Variants in CDH13 observed in about 807,000 individuals in gnomAD.
CDH13 encodes the protein cadherin 13, also known as cadherin-13.
CDH13 carries 24 observed loss-of-function variants against 63.8 expected under a neutral mutation model. That is an observed-to-expected ratio of 0.38 (90% confidence interval 0.27 to 0.53). The LOEUF is 0.53. Ranked by LOEUF, CDH13 falls within the 20% of genes least tolerant of loss-of-function variation. The pLI, the probability that CDH13 is intolerant of heterozygous loss-of-function variation, is 0.85. For missense variants in CDH13, 1,049 were observed against 903.1 expected (o/e 1.16, Z -2.07); for synonymous variants, 503 against 355.3 (o/e 1.42, Z -4.67).
chr16:82,870,872 A>T (rs1472819044), intron 2 of CDH13, among the ~76,000 whole-genome samples: 1 of 152,228 alleles, frequency 6.6e-6, no homozygotes, highest in East Asian at 1.9e-4. Flanking sequence ...AGCTGTCAGA[A>T]ACAGCATAGG....
At position 83,063,162 on chromosome 16, in the gene CDH13, A is replaced by G. The variant is rs549829431; in HGVS notation, c.366+30944A>G. Among the ~76,000 whole-genome samples the G allele has an allele frequency of 3.3e-5, 5 of 152,130 alleles. No homozygotes were observed. In the East Asian group the frequency reaches 9.7e-4, roughly 30 times the overall value. ...TTTTTAGTAGAGACAGGGTTTCACC[A>G]TGTTGGCCAGGCTGGCCTTGAACTC... On this transcript the variant is annotated intron_variant, in intron 3 of 13. Coordinates refer to ENST00000567109, the MANE Select transcript of CDH13 (RefSeq NM_001257.5).
intron 6 of CDH13, among the ~76,000 whole-genome samples, chr16:83,419,781 C>G (rs986773005): frequency 6.6e-6 from 1 of 152,156 alleles, no homozygotes; most frequent in Admixed American, 6.5e-5. Context: ...ATGCATTTTT[C>G]TCTGCTCATG....
intron 1 of CDH13, among the ~76,000 whole-genome samples, chr16:82,759,303 C>G (rs1184785210): frequency 6.6e-6 from 1 of 152,186 alleles, no homozygotes; most frequent in Non-Finnish European, 1.5e-5. Context: ...AATATATTCT[C>G]TGCTCCAAAA....
At chr16:83,662,254 T>A (rs1251108842) in intron 8 of CDH13, among the ~76,000 whole-genome samples, 1 of 152,208 alleles carries the variant, frequency 6.6e-6, no homozygotes, top group Non-Finnish European at 1.5e-5. Flanking sequence ...TTCAGACATT[T>A]AACTGGGAAG....
chr16:83,048,814 C>G (rs573411846), intron 3 of CDH13, among the ~76,000 whole-genome samples: 7 of 152,268 alleles, frequency 4.6e-5, no homozygotes, highest in African/African-American at 1.7e-4. Context: ...CCCCCAGCCT[C>G]CAAACGTGGT....
chr16:83,054,013 T>C (rs1185544506), intron 3 of CDH13, among the ~76,000 whole-genome samples: 2 of 152,212 alleles, frequency 1.3e-5, no homozygotes, highest in Admixed American at 1.3e-4. Context: ...TAGATATGTT[T>C]AAATACACAA....
intron 3 of CDH13, among the ~76,000 whole-genome samples, chr16:83,075,871 A>C (rs1856167724): frequency 6.6e-6 from 1 of 152,208 alleles, no homozygotes; most frequent in South Asian, 2.1e-4. Flanking sequence ...TTGATACTGC[A>C]CATATTCATG....
chr16:83,779,863 A>G, intron 11 of CDH13, 105 bp from the exon 12 acceptor site: 1 of 776,360 alleles, frequency 1.3e-6, no homozygotes, highest in Non-Finnish European at 2.1e-6. Flanking sequence ...GTCTCAAAAA[A>G]TAAAATAACT....
chr16:83,540,543 C>G (rs889980562), intron 7 of CDH13, among the ~76,000 whole-genome samples: 6 of 152,160 alleles, frequency 3.9e-5, no homozygotes, highest in Non-Finnish European at 8.8e-5. Context: ...CTTCTTCTTC[C>G]CCAGACCCTT....
At chr16:83,596,608 C>T (rs768755413) in intron 7 of CDH13, among the ~76,000 whole-genome samples, 1 of 152,066 alleles carries the variant, frequency 6.6e-6, no homozygotes, top group Non-Finnish European at 1.5e-5. Context: ...ATTAAAAATA[C>T]ATGTGTATAT....
Position 83,775,397 on chromosome 16 carries a change from G to T in CDH13, c.1682-4571G>T, listed in dbSNP as rs1353596421. The stretch of plus-strand genomic sequence containing the variant: ...ACGTTGAAGACCTGAAAGCTGGAAT[G>T]GTTCATCTGTCAGCAGTCCTTACAG... On this transcript the variant is annotated intron_variant, in intron 11 of 13. Transcript: ENST00000567109. 2.0e-5 allele frequency among the ~76,000 whole-genome samples: 3 copies of T among 149,580 alleles called. No homozygotes were observed. In the East Asian group the frequency reaches 6.2e-4, roughly 31 times the overall value.
At chr16:83,381,870 C>G (rs1400723274) in intron 6 of CDH13, among the ~76,000 whole-genome samples, 2 of 152,166 alleles carry the variant, frequency 1.3e-5, no homozygotes. Flanking sequence ...CTTGAATTCA[C>G]AAGTATAAAA....
intron 5 of CDH13, among the ~76,000 whole-genome samples, chr16:83,310,848 G>T (rs569954717): frequency 7.2e-5 from 11 of 152,154 alleles, no homozygotes; most frequent in Admixed American, 2.6e-4. Context: ...ACTAGAGAAA[G>T]GAACCCTCCT....
intron 1 of CDH13, among the ~76,000 whole-genome samples, chr16:82,830,248 C>G (rs1300339930): frequency 6.6e-6 from 1 of 152,156 alleles, no homozygotes. Flanking sequence ...TGGTACTTAT[C>G]AATAACTCCA....
intron 3 of CDH13, among the ~76,000 whole-genome samples, chr16:83,078,862 T>C (rs574133551): frequency 6.6e-6 from 1 of 152,338 alleles, no homozygotes; most frequent in East Asian, 1.9e-4. Context: ...TGGCGAGATC[T>C]TGGCTCACTG....
intron 5 of CDH13, among the ~76,000 whole-genome samples, chr16:83,291,735 C>G (rs1405084724): frequency 1.3e-5 from 2 of 152,250 alleles, no homozygotes; most frequent in Admixed American, 6.5e-5. Context: ...GTTAATTCAA[C>G]TCCAGCTTGC....
chr16:83,717,361 A>G (rs894236035), intron 10 of CDH13, among the ~76,000 whole-genome samples: 19 of 152,188 alleles, frequency 1.2e-4, no homozygotes, highest in African/African-American at 4.6e-4. Context: ...TTTTGTATAT[A>G]TTTTCCATCT....
chr16:83,485,054 C>G (rs942031276), intron 6 of CDH13, among the ~76,000 whole-genome samples: 1 of 152,158 alleles, frequency 6.6e-6, no homozygotes, highest in African/African-American at 2.4e-5. Context: ...ATTAATATAT[C>G]TTGAAGAGTT....
intron 8 of CDH13, among the ~76,000 whole-genome samples, chr16:83,604,132 C>A (rs1209730091): frequency 1.3e-5 from 2 of 152,108 alleles, no homozygotes; most frequent in African/African-American, 4.8e-5. Flanking sequence ...CAAGCCACAT[C>A]AGCCTCTTCA....
Sources: gnomAD v4.1 joint callset for allele counts (sites outside exome capture counted in the v4.1 genomes callset) on GRCh38, gnomAD v4.1.1 for gene constraint, MANE v1.5 for transcripts, NCBI Gene and HGNC (gene_info 2026-07-23, HGNC 2026-07-21) for gene names.